Variants in WNK4 observed in about 807,000 individuals in gnomAD.
WNK4 encodes the protein serine/threonine-protein kinase WNK4.
WNK4 carries 94 observed loss-of-function variants against 116.2 expected under a neutral mutation model. That is an observed-to-expected ratio of 0.81 (90% CI 0.68 to 0.96). The LOEUF is 0.96. Among genes scored for constraint, WNK4 ranks in the 40% least tolerant of loss-of-function variants. WNK4 has a pLI of 0.00. For synonymous variants in WNK4, 655 were observed against 672.7 expected (o/e 0.97, Z 0.41); for missense variants, 1,542 against 1,650.6 (o/e 0.93, Z 1.14).
In WNK4 at chr17:42,783,808, G is replaced by A. The variant is rs758144232; in HGVS notation, c.792-129G>A. 97 of 884,760 alleles carry A rather than the reference G, an allele frequency of 1.1e-4. 1 individual carries two copies. The South Asian group carries it at 1.3e-3, about 12-fold the overall frequency. The allele number at this position is 884,760 out of a possible 1,614,324, so 54.8% of individuals were successfully genotyped here. Reference sequence around the variant, plus strand: ...TCTCCCTGGGGCCGGGCAGACATAGGCTAGGAGAATGCTGGCAGAAGATGC... The same window carrying A: ...TCTCCCTGGGGCCGGGCAGACATAGACTAGGAGAATGCTGGCAGAAGATGC... On this transcript the variant is annotated intron_variant, in intron 2 of 18. Transcript: ENST00000246914.
Position 42,787,455 on chromosome 17 carries a change from A to G in WNK4, c.1654A>G (p.Ser552Gly). 1 of 1,322,166 alleles carries G rather than the reference A, an allele frequency of 7.6e-7. No individual in the cohort carries two copies. The allele number at this position is 1,322,166 out of a possible 1,614,324, so 81.9% of individuals were successfully genotyped here. The change falls in exon 7 of 19, where the codon AGT becomes GGT. Residue 552 changes from serine to glycine, a missense_variant. Ser to Gly is a moderately conservative substitution (Grantham distance 56). Around this residue, in one of 7 missense-constraint regions of WNK4, gnomAD observed 808 missense variants for 873.6 expected, o/e 0.92. Transcript: ENST00000246914. The stretch of plus-strand genomic sequence containing the variant: ...TGTGCCCATGGCCCCCGGTCCCCCC[A>G]GTGTCTTCCCCCCTGAGCCTGAGGA... ...ATVPMAPGPP[S>G]VFPPEPEEPE... is the part of the protein sequence containing the mutation.
Position 42,781,064 on chromosome 17 carries a change from C to T in WNK4, c.366C>T (p.Ser122=), listed in dbSNP as rs955893317. 1.2e-6 allele frequency: 2 copies of T among 1,612,054 alleles called. No individual in the cohort carries two copies. The highest frequency in any genetic ancestry group is 2.2e-5 in the East Asian group (1 of 44,832). The change falls in exon 1 of 19, where the codon TCC becomes TCT. Residue 122 remains serine (S), a synonymous_variant. Transcript: ENST00000246914. ...EGAPVKAAED[S]ARPELPDSAV... ...CCCCTGTGAAGGCTGCGGAAGACTC[C>T]GCGCGTCCCGAGCTCCCGGACTCTG...
Position 42,795,005 on chromosome 17 carries a change from C to T in WNK4, c.2584C>T (p.Pro862Ser). 1 of 1,613,204 alleles carries T rather than the reference C, an allele frequency of 6.2e-7. No individual in the cohort carries two copies. The highest frequency in any genetic ancestry group is 8.5e-7 in the Non-Finnish European group (1 of 1,179,770). ...TCCCTCTCCACACCCCACCAGCTCT[C>T]CACTTCCATTCTCCTCCAGCACACC... ...SNPSPHPTSS[P>S]LPFSSSTPEF... is the part of the protein sequence containing the mutation. The change falls in exon 14 of 19, where the codon CCA becomes TCA. Residue 862 changes from proline to serine, a missense_variant. By Grantham distance (74) the Pro-to-Ser change is moderately conservative. This residue lies in a region of WNK4 where 808 missense variants were observed against 873.6 expected (regional missense o/e 0.92). Coordinates refer to ENST00000246914, the MANE Select transcript of WNK4 (RefSeq NM_032387.5).
chr17:42,792,675 G>A (rs959973552), intron 11 of WNK4, among the ~76,000 whole-genome samples: 1 of 152,150 alleles, frequency 6.6e-6, no homozygotes, highest in African/African-American at 2.4e-5. Context: ...TTTGGGCTTC[G>A]TTAAGCCTAG....
intron 12 of WNK4, 127 bp downstream of exon 12, chr17:42,793,856 C>CTTTT: frequency 6.3e-6 from 6 of 945,912 alleles, no homozygotes; most frequent in Admixed American, 2.7e-5. Context: ...AACAGTGGCG[C>CTTTT]TTTTTTTTTT....
At chr17:42,786,461 C>G (rs1017315731) in intron 6 of WNK4, among the ~76,000 whole-genome samples, 3 of 152,162 alleles carry the variant, frequency 2.0e-5, no homozygotes, top group Admixed American at 6.5e-5. Context: ...GGCGCTATCT[C>G]AGCTCATTGC....
Position 42,794,868 on chromosome 17 carries a change from C to G in WNK4, c.2447C>G (p.Pro816Arg), listed in dbSNP as rs756583755. 41 of 1,613,738 alleles carry G rather than the reference C, an allele frequency of 2.5e-5. No homozygotes were observed. The South Asian group carries it at 3.7e-4, about 15-fold the overall frequency. ...SPGTPLSPGN[P>R]FSPGTPISPG... Reference sequence around the variant, plus strand: ...GGAACTCCTTTGTCTCCTGGAAACCCATTTTCCCCTGGAACCCCCATTTCC... The same window carrying G: ...GGAACTCCTTTGTCTCCTGGAAACCGATTTTCCCCTGGAACCCCCATTTCC... The change falls in exon 14 of 19, where the codon CCA (proline) becomes CGA (arginine). Residue 816 changes from proline (P) to arginine (R), a missense_variant. Physicochemically the swap from Pro to Arg is moderately radical, Grantham distance 103. Coordinates refer to ENST00000246914, the MANE Select transcript of WNK4 (RefSeq NM_032387.5).
rs1201173960 is a variant in WNK4 at position 42,787,271 on chromosome 17, A to G, written c.1477-7A>G. 1 of 1,613,658 alleles carries G rather than the reference A, an allele frequency of 6.2e-7. No homozygotes were observed. ...GCTGTGTTCCTCATCCCCCACCCCA[A>G]TTCCAGGTGGCTCTGGGCTTGGTCT... On this transcript the variant is annotated splice_region_variant and splice_polypyrimidine_tract_variant and intron_variant, in intron 6 of 18. Coordinates refer to ENST00000246914, the MANE Select transcript of WNK4 (RefSeq NM_032387.5).
chr17:42,781,835 AC>A (rs747806727), intron 1 of WNK4, among the ~76,000 whole-genome samples: 1 of 152,048 alleles, frequency 6.6e-6, no homozygotes, highest in Non-Finnish European at 1.5e-5. Context: ...GGGCCCCCTA[AC>A]CCCTTCTGGA....
In WNK4 at chr17:42,785,163, A is replaced by G. The variant is rs761218081; in HGVS notation, c.1237A>G (p.Ile413Val). The change falls in exon 5 of 19, where the codon ATC becomes GTC. Residue 413 changes from isoleucine (I) to valine (V), a missense_variant. Transcript: ENST00000246914. The part of the protein sequence containing the change: ...PEVKEIIEGC[I>V]RTDKNERFTI... ...GGTGAAGGAGATCATTGAAGGCTGC[A>G]TCCGCACGGATAAGAACGAGAGGTG... 1.9e-6 allele frequency: 3 copies of G among 1,613,852 alleles called. No individual in the cohort carries two copies. Among genetic ancestry groups the G allele is most frequent in the Non-Finnish European group, 8.5e-7 (1 of 1,179,974 alleles).
At chr17:42,788,559 G>A in intron 10 of WNK4, 122 bp from the exon 11 acceptor site, 1 of 1,142,820 alleles carries the variant, frequency 8.8e-7, no homozygotes, top group Non-Finnish European at 1.3e-6. Context: ...CCAGACTTTA[G>A]AGGTGGGGTC....
Position 42,782,942 on chromosome 17 carries a change from G to A in WNK4, c.791+12G>A, listed in dbSNP as rs774820879. 21 of 1,613,432 alleles carry A rather than the reference G, an allele frequency of 1.3e-5. No homozygotes were observed. The highest frequency in any genetic ancestry group is 1.7e-4 in the Middle Eastern group (1 of 6,034). ...GGCACGCTCAAGACGTGAGCTCTGC[G>A]CATGAGTGGGTGGGGAGAGGGAGGC... is the stretch of plus-strand genomic sequence containing the variant. On this transcript the variant is annotated intron_variant, in intron 2 of 18. Transcript: ENST00000246914. The surrounding 1 kb of genome is among the most constrained non-coding windows in gnomAD (Gnocchi z 4.2).
At chr17:42,789,675 A>G (rs1426281960) in intron 11 of WNK4, among the ~76,000 whole-genome samples, 2 of 143,128 alleles carry the variant, frequency 1.4e-5, no homozygotes, top group African/African-American at 5.2e-5. Flanking sequence ...AAAATAAATA[A>G]ATAAATAAAT....
chr17:42,793,840 C>A (rs2054631491), intron 12 of WNK4, 111 bp downstream of exon 12: 2 of 1,413,176 alleles, frequency 1.4e-6, no homozygotes, highest in Non-Finnish European at 2.0e-6. Flanking sequence ...ATCTCTGGGA[C>A]CCTAAAACAG....
In WNK4 at chr17:42,784,374, A is replaced by G. The variant is rs761640164; in HGVS notation, c.1013-48A>G. 2 of 1,601,630 alleles carry G rather than the reference A, an allele frequency of 1.2e-6. No homozygotes were observed. The highest frequency in any genetic ancestry group is 1.7e-5 in the Admixed American group (1 of 58,082). On this transcript the variant is annotated intron_variant, in intron 3 of 18. Coordinates refer to ENST00000246914, the MANE Select transcript of WNK4 (RefSeq NM_032387.5). This position sits in a 1 kb window ranked among gnomAD's most constrained non-coding sequence, Gnocchi z 4.4. ...GGGGCTGCCTAGCCCAGTGGGAAGG[A>G]CGAGGCCAGAGTGCCCAGCAATCTG... is the stretch of plus-strand genomic sequence containing the variant.
rs2054575259 is a variant in WNK4, at chr17:42,788,424, G to C, written c.2040+17G>C. 1.9e-6 allele frequency: 3 copies of C among 1,610,084 alleles called. No homozygotes were observed. Among genetic ancestry groups the C allele is most frequent in the Non-Finnish European group, 2.5e-6 (3 of 1,178,088 alleles). Reference sequence around the variant, plus strand: ...GTCACTAGTGTAAGGATGGAGTACAGGAGATAGAGAGTAACCTACAGGGCC... The same window carrying C: ...GTCACTAGTGTAAGGATGGAGTACACGAGATAGAGAGTAACCTACAGGGCC... On this transcript the variant is annotated intron_variant, in intron 10 of 18. Coordinates refer to ENST00000246914, the MANE Select transcript of WNK4 (RefSeq NM_032387.5).
Position 42,796,193 on chromosome 17 carries a change from G to A in WNK4, c.3502G>A (p.Gly1168Arg), listed in dbSNP as rs2054669096. ...AATTGAAGATTTGTACAGCCGGCTG[G>A]GGAAGCAGCCCCCACCGGGTATTGT... ...KEIEDLYSRL[G>R]KQPPPGIVAP... The change falls in exon 17 of 19, where the codon GGG becomes AGG. Residue 1168 changes from glycine (G) to arginine (R), a missense_variant. Gly to Arg is a moderately radical substitution (Grantham distance 125, BLOSUM62 -2). Around this residue, in one of 7 missense-constraint regions of WNK4, gnomAD observed 148 missense variants for 157.2 expected, o/e 0.94. Coordinates refer to ENST00000246914, the MANE Select transcript of WNK4 (RefSeq NM_032387.5). 6.2e-7 allele frequency: 1 copy of A among 1,614,000 alleles called. No homozygotes were observed. Among genetic ancestry groups the A allele is most frequent in the Non-Finnish European group, 8.5e-7 (1 of 1,180,006 alleles).
chr17:42,796,251 G>A lies in WNK4; in HGVS notation c.3560G>A (p.Arg1187His), dbSNP rs757221134. The change falls in exon 17 of 19, where the codon CGC becomes CAC. Residue 1187 changes from arginine (R) to histidine (H), a missense_variant. By Grantham distance (29) the Arg-to-His change is conservative. Around this residue, in one of 7 missense-constraint regions of WNK4, gnomAD observed 148 missense variants for 157.2 expected, o/e 0.94. Transcript: ENST00000246914. ...APAAMLSSRQ[R>H]RLSKGSFPTS... Reference sequence around the variant, plus strand: ...GCTGCTATGCTGTCCAGCCGCCAGCGCCGCCTCTCCAAGGGCAGCTTCCCC... The same window carrying A: ...GCTGCTATGCTGTCCAGCCGCCAGCACCGCCTCTCCAAGGGCAGCTTCCCC... The A allele has an allele frequency of 1.1e-5, 18 of 1,611,166 alleles. No homozygotes were observed. Among genetic ancestry groups the A allele is most frequent in the East Asian group, 6.7e-5 (3 of 44,756 alleles).
At chr17:42,790,046 C>T (rs757858389) in intron 11 of WNK4, among the ~76,000 whole-genome samples, 3 of 151,742 alleles carry the variant, frequency 2.0e-5, no homozygotes, top group African/African-American at 4.8e-5. Context: ...CACAGTGTAA[C>T]GTGACAGTAG....
Sources: gnomAD v4.1 joint callset for allele counts (sites outside exome capture counted in the v4.1 genomes callset) on GRCh38, gnomAD v4.1.1 for gene constraint, gnomAD v4.1.1 regional missense constraint, Gnocchi (gnomAD v3.1) non-coding constraint, MANE v1.5 for transcripts, NCBI Gene and HGNC (gene_info 2026-07-23, HGNC 2026-07-21) for gene names.